The following GRAMD2B variants were observed in gnomAD, a reference collection of about 807,000 sequenced individuals.
The protein encoded by GRAMD2B is GRAM domain containing 2B.
In GRAMD2B, 41 loss-of-function variants were observed where a neutral mutation model predicts 59.2. The ratio of observed to expected loss-of-function variants is 0.69; its 90% CI spans 0.54 to 0.90. The LOEUF (loss-of-function observed/expected upper bound fraction) is 0.90, where lower values mean the gene tolerates loss of function less well. Ranked by LOEUF, GRAMD2B falls within the 40% of genes least tolerant of loss-of-function variation. GRAMD2B has a pLI of 0.00. For synonymous variants in GRAMD2B, 161 were observed against 182.7 expected (o/e 0.88, Z 0.96); for missense variants, 424 against 500.5 (o/e 0.85, Z 1.46).
chr5:126,493,134 T>C lies in GRAMD2B; in HGVS notation c.*178T>C. ...TGAGGAGGGAAATAATTTTGGTTCT[T>C]GTGCAATAAAAGTTGACCTTGACTC... On this transcript the variant is annotated 3_prime_UTR_variant, in exon 14 of 14. Transcript: ENST00000285689. 1.7e-6 allele frequency: 1 copy of C among 585,450 alleles called. No individual in the cohort carries two copies. The highest frequency in any genetic ancestry group is 2.9e-5 in the East Asian group (1 of 35,042). 36.3% of individuals were successfully genotyped at this position (585,450 alleles called of 1,614,324 possible).
chr5:126,458,251 A>G (rs1175711599), intron 1 of GRAMD2B, among the ~76,000 whole-genome samples: 1 of 152,146 alleles, frequency 6.6e-6, no homozygotes, highest in Non-Finnish European at 1.5e-5. Flanking sequence ...CCTGGCCAAC[A>G]TGGTGAAACC....
chr5:126,390,748 A>C (rs1004021378), intron 1 of GRAMD2B, among the ~76,000 whole-genome samples: 17 of 152,278 alleles, frequency 1.1e-4, no homozygotes, highest in African/African-American at 4.1e-4. Context: ...ATAACAACCT[A>C]ACATTTACTA....
intron 1 of GRAMD2B, among the ~76,000 whole-genome samples, chr5:126,429,509 C>G (rs1761208474): frequency 6.6e-6 from 1 of 152,166 alleles, no homozygotes; most frequent in African/African-American, 2.4e-5. Flanking sequence ...TATGACAAAC[C>G]TGCATATGTA....
chr5:126,451,774 G>T (rs1765421239), intron 1 of GRAMD2B, among the ~76,000 whole-genome samples: 1 of 152,186 alleles, frequency 6.6e-6, no homozygotes, highest in South Asian at 2.1e-4. Flanking sequence ...TCAGAGGCGG[G>T]ACCTGGTAGA....
chr5:126,367,305 T>A (rs923966452), upstream of GRAMD2B, among the ~76,000 whole-genome samples: 10 of 152,134 alleles, frequency 6.6e-5, no homozygotes, highest in Non-Finnish European at 1.0e-4. Context: ...GTAGAGAAAA[T>A]CTCGTTTATT....
intron 1 of GRAMD2B, among the ~76,000 whole-genome samples, chr5:126,454,766 G>A (rs949035519): frequency 6.6e-6 from 1 of 152,122 alleles, no homozygotes; most frequent in African/African-American, 2.4e-5. Flanking sequence ...TGCTGCTGGT[G>A]TTTAGGTATT....
At chr5:126,463,158 A>T (rs928239734) in intron 1 of GRAMD2B, among the ~76,000 whole-genome samples, 4 of 152,174 alleles carry the variant, frequency 2.6e-5, no homozygotes, top group African/African-American at 9.7e-5. Context: ...AGCAAGAAGC[A>T]CCTTATCTCT....
chr5:126,458,315 A>G (rs1156844053), intron 1 of GRAMD2B, among the ~76,000 whole-genome samples: 1 of 152,042 alleles, frequency 6.6e-6, no homozygotes, highest in Non-Finnish European at 1.5e-5. Flanking sequence ...TGCGCCTGTA[A>G]TCCCAGCTAC....
At chr5:126,400,531 A>G (rs895367344) in intron 1 of GRAMD2B, among the ~76,000 whole-genome samples, 1 of 152,128 alleles carries the variant, frequency 6.6e-6, no homozygotes, top group African/African-American at 2.4e-5. Flanking sequence ...GAATTTTACC[A>G]TATACTTATC....
At chr5:126,454,278 G>A (rs367545971) in intron 1 of GRAMD2B, among the ~76,000 whole-genome samples, 8 of 152,296 alleles carry the variant, frequency 5.3e-5, no homozygotes, top group African/African-American at 1.2e-4. Context: ...ATGACATAAT[G>A]GAGGCCGTGT....
intron 1 of GRAMD2B, among the ~76,000 whole-genome samples, chr5:126,430,040 CCTTT>C (rs1761319704): frequency 1.3e-5 from 2 of 152,144 alleles, no homozygotes; most frequent in Non-Finnish European, 2.9e-5. Flanking sequence ...TCCTTTAACA[CCTTT>C]CTAATTTTTT....
chr5:126,400,851 A>G (rs1757771324), intron 1 of GRAMD2B, among the ~76,000 whole-genome samples: 1 of 152,010 alleles, frequency 6.6e-6, no homozygotes, highest in African/African-American at 2.4e-5. Context: ...GTGACAGGTA[A>G]CTTTTCTCTT....
upstream of GRAMD2B, among the ~76,000 whole-genome samples, chr5:126,369,296 GAAT>G (rs763727698): frequency 7.7e-6 from 1 of 129,336 alleles, no homozygotes; most frequent in East Asian, 2.6e-4. Flanking sequence ...ATGAATGAAT[GAAT>G]GAATGAATTC....
At chr5:126,461,590 A>G (rs1490558982) in intron 1 of GRAMD2B, among the ~76,000 whole-genome samples, 1 of 152,158 alleles carries the variant, frequency 6.6e-6, no homozygotes, top group Non-Finnish European at 1.5e-5. Context: ...ACTTGAGGCC[A>G]GGAGTTCGAG....
intron 1 of GRAMD2B, among the ~76,000 whole-genome samples, chr5:126,446,791 G>T (rs371726082): frequency 6.6e-6 from 1 of 152,036 alleles, no homozygotes; most frequent in Non-Finnish European, 1.5e-5. Context: ...GCCACTCCCA[G>T]AAACTGGGAC....
intron 1 of GRAMD2B, among the ~76,000 whole-genome samples, chr5:126,398,273 A>G (rs1757542362): frequency 6.6e-6 from 1 of 151,988 alleles, no homozygotes; most frequent in South Asian, 2.1e-4. Flanking sequence ...CTCCCATCTC[A>G]GTGGAAGATT....
At chr5:126,371,402 T>C (rs981810361) in exon 1 of GRAMD2B, 11 of 1,262,686 alleles carry the variant, frequency 8.7e-6, no homozygotes, top group Admixed American at 2.5e-5. Context: ...AGAAATGAGC[T>C]TTTAAGGTTG....
intron 1 of GRAMD2B, among the ~76,000 whole-genome samples, chr5:126,442,069 T>A (rs1418101159): frequency 2.5e-4 from 38 of 151,752 alleles, no homozygotes; most frequent in Admixed American, 2.4e-3. Context: ...AAGGAATTAT[T>A]ATTCCTAATA....
chr5:126,433,425 C>T (rs1397481335), intron 1 of GRAMD2B: 1 of 152,184 alleles, frequency 6.6e-6, no homozygotes, highest in East Asian at 1.9e-4. Flanking sequence ...AAGTAACTCC[C>T]ATTAAAGTCT....
Sources: allele counts gnomAD v4.1 joint callset (sites outside exome capture counted in the v4.1 genomes callset), GRCh38; gene constraint gnomAD v4.1.1; transcripts MANE v1.5; gene names NCBI Gene and HGNC (gene_info 2026-07-23, HGNC 2026-07-21).